USP30: variants seen among roughly 807,000 people sequenced by gnomAD.
The protein encoded by USP30 is ubiquitin specific peptidase 30.
USP30 carries 41 observed loss-of-function variants against 68.2 expected under a neutral mutation model. The observed-to-expected ratio is 0.60, with a 90% CI of 0.47 to 0.78. The LOEUF (loss-of-function observed/expected upper bound fraction) is 0.78. USP30 is among the 30% of genes least tolerant of loss of function. USP30 has a pLI of 0.00. For missense variants in USP30, 522 were observed against 649.4 expected, an observed-to-expected ratio of 0.80 and a Z score of 2.13; for synonymous variants, 229 against 253.7, an observed-to-expected ratio of 0.90 and a Z score of 0.93.
chr12:109,056,175 TTTGTTGTTG>T (rs138193365), intron 1 of USP30, among the ~76,000 whole-genome samples: 20 of 151,394 alleles, frequency 1.3e-4, no homozygotes, highest in South Asian at 4.2e-4. Flanking sequence ...TGACTTAGTT[TTTGTTGTTG>T]TTGTTGTTGT....
At chr12:109,049,433 G>A (rs1566080206), upstream of USP30, among the ~76,000 whole-genome samples, 1 of 152,194 alleles carries the variant, frequency 6.6e-6, no homozygotes, top group Non-Finnish European at 1.5e-5. Flanking sequence ...TGGTTTACCT[G>A]AATGCTGTTT....
Position 109,085,025 on chromosome 12 carries a change from C to T in USP30, c.1241C>T (p.Thr414Met), listed in dbSNP as rs200633278. 3.9e-5 allele frequency: 62 copies of T among 1,605,708 alleles called. No homozygotes were observed. The highest frequency in any genetic ancestry group is 3.3e-4 in the Middle Eastern group (2 of 6,004). ...GCCTGCTCCCCATCTTTATTGCCAA[C>T]GCTGTCAGCGCCGATGCCCTTCCCT... is the stretch of plus-strand genomic sequence containing the variant. ...NGACSPSLLP[T>M]LSAPMPFPLP... is the part of the protein sequence containing the mutation. Residue 414 changes from threonine to methionine, a missense_variant, in exon 12 of 13, where the codon ACG (threonine) becomes ATG (methionine). Physicochemically the swap from Thr to Met is moderately conservative, Grantham distance 81 (BLOSUM62 -1). Transcript: ENST00000257548.
upstream of USP30, among the ~76,000 whole-genome samples, chr12:109,048,986 T>A (rs1377408830): frequency 2.0e-5 from 3 of 151,976 alleles, no homozygotes; most frequent in Non-Finnish European, 4.4e-5. Flanking sequence ...ATGTCTGACC[T>A]CTCATCTCAT....
At position 109,067,557 on chromosome 12, in the gene USP30, T is replaced by C; in HGVS notation, c.410T>C (p.Val137Ala). ...TGCCAAGAAGTTACTGATGATGAGG[T>C]CTTAGATGCAAGCTGCTTGTTGGAT... ...LSCQEVTDDE[V>A]LDASCLLDVL... The change falls in exon 4 of 13, where the codon GTC becomes GCC. Residue 137 changes from valine to alanine, a missense_variant. Transcript: ENST00000257548. 2 of 1,614,178 alleles carry C rather than the reference T, an allele frequency of 1.2e-6. No individual in the cohort carries two copies. Among genetic ancestry groups the C allele is most frequent in the Non-Finnish European group, 1.7e-6 (2 of 1,180,030 alleles).
chr12:109,039,481 T>C (rs2040547113), intron 3 of USP30, among the ~76,000 whole-genome samples: 1 of 152,166 alleles, frequency 6.6e-6, no homozygotes, highest in South Asian at 2.1e-4. Flanking sequence ...ACTAATTATA[T>C]CTTACCCTAT....
intron 4 of USP30, 107 bp downstream of exon 4, chr12:109,067,734 T>C: frequency 1.1e-6 from 1 of 906,140 alleles, no homozygotes; most frequent in Non-Finnish European, 1.7e-6. Context: ...TGTGACATTT[T>C]AGACAACTTT....
chr12:109,069,090 G>C (rs1293876536), intron 4 of USP30, among the ~76,000 whole-genome samples: 1 of 152,252 alleles, frequency 6.6e-6, no homozygotes, highest in Non-Finnish European at 1.5e-5. Flanking sequence ...GCTCAGAGAA[G>C]TGGAATGATT....
intron 3 of USP30, among the ~76,000 whole-genome samples, chr12:109,064,957 G>A (rs1445531508): frequency 6.6e-6 from 1 of 152,198 alleles, no homozygotes; most frequent in Non-Finnish European, 1.5e-5. Flanking sequence ...TTTGTCCTGG[G>A]AGGGAAAGGG....
At chr12:109,081,538 G>A in intron 8 of USP30, 145 bp downstream of exon 8, 5 of 855,324 alleles carry the variant, frequency 5.8e-6, no homozygotes, top group Non-Finnish European at 3.7e-6. Flanking sequence ...TCATATGGTG[G>A]CATGATTATG....
At chr12:109,052,451 G>C, upstream of USP30, 1 of 403,852 alleles carries the variant, frequency 2.5e-6, no homozygotes, top group East Asian at 3.8e-5. Context: ...ACCGACGCCG[G>C]GGCCTGTTGC....
chr12:109,064,850 A>C (rs547899462), intron 3 of USP30, among the ~76,000 whole-genome samples: 1 of 147,754 alleles, frequency 6.8e-6, no homozygotes, highest in East Asian at 2.1e-4. Context: ...GAGGCATTAA[A>C]ATTTTCCTTT....
intron 1 of USP30, among the ~76,000 whole-genome samples, chr12:109,055,398 ATATT>A (rs1246358568): frequency 2.2e-3 from 66 of 30,330 alleles, no homozygotes; most frequent in South Asian, 0.016. Flanking sequence ...ATATATATAT[ATATT>A]TTTTTTTTTT....
chr12:109,084,552 C>A (rs1350520336), intron 11 of USP30, among the ~76,000 whole-genome samples: 1 of 152,168 alleles, frequency 6.6e-6, no homozygotes, highest in Non-Finnish European at 1.5e-5. Context: ...TGTTCAACAT[C>A]CTCTAATGCA....
chr12:109,066,942 T>C (rs545900918), intron 3 of USP30, among the ~76,000 whole-genome samples: 5 of 152,236 alleles, frequency 3.3e-5, no homozygotes, highest in African/African-American at 1.2e-4. Flanking sequence ...TTGATGATGA[T>C]AGTTTGAAGA....
chr12:109,028,142 T>C (rs2040457536), intron 3 of USP30, among the ~76,000 whole-genome samples: 1 of 152,246 alleles, frequency 6.6e-6, no homozygotes, highest in Admixed American at 6.5e-5. Context: ...TTTCATGTGC[T>C]TATTGGCCAC....
At chr12:109,072,202 G>C in intron 5 of USP30, 103 bp from the exon 6 acceptor site, 6 of 983,338 alleles carry the variant, frequency 6.1e-6, no homozygotes, top group Admixed American at 2.3e-5. Flanking sequence ...ATTTTTAGTG[G>C]TGTAATCAAC....
At chr12:109,068,731 A>G (rs1422977109) in intron 4 of USP30, among the ~76,000 whole-genome samples, 1 of 151,870 alleles carries the variant, frequency 6.6e-6, no homozygotes, top group African/African-American at 2.4e-5. Flanking sequence ...GGTCCCAGTC[A>G]CTCCTTGGAA....
At chr12:109,034,162 C>G (rs1016194522) in intron 3 of USP30, among the ~76,000 whole-genome samples, 1 of 152,162 alleles carries the variant, frequency 6.6e-6, no homozygotes, top group Non-Finnish European at 1.5e-5. Context: ...AATATTGTGA[C>G]TTGTACCTCG....
At chr12:109,057,844 G>A (rs962326150) in intron 2 of USP30, 82 bp from the exon 3 acceptor site, 66 of 1,452,660 alleles carry the variant, frequency 4.5e-5, no homozygotes, top group Admixed American at 1.5e-4. Context: ...AGGCCACAGC[G>A]CAGGAACTCT....
Sources: allele counts gnomAD v4.1 joint callset (sites outside exome capture counted in the v4.1 genomes callset), GRCh38; gene constraint gnomAD v4.1.1; transcripts MANE v1.5; gene names NCBI Gene and HGNC (gene_info 2026-07-23, HGNC 2026-07-21).